Variants in SYCP1 observed in about 807,000 individuals in gnomAD.
The protein encoded by SYCP1 is cancer/testis antigen 8.
Under a neutral mutation model 153.1 loss-of-function variants are expected in SYCP1, and 64 were observed. That is an observed-to-expected ratio of 0.42 (90% CI 0.34 to 0.51). SYCP1 has a LOEUF of 0.51. Ranked by LOEUF, SYCP1 falls within the 20% of genes least tolerant of loss-of-function variation. The pLI is 0.06. For synonymous variants in SYCP1, 384 were observed against 341.8 expected, an observed-to-expected ratio of 1.12 and a Z score of -1.36; for missense variants, 997 against 1,049.0, an observed-to-expected ratio of 0.95 and a Z score of 0.68.
chr1:114,903,619 AG>A (rs1190967370), intron 16 of SYCP1, among the ~76,000 whole-genome samples: 1 of 152,158 alleles, frequency 6.6e-6, no homozygotes, highest in East Asian at 1.9e-4. Flanking sequence ...TTATCCTAAG[AG>A]GGATGGGACA....
chr1:114,875,567 G>A (rs1665468272), intron 9 of SYCP1, among the ~76,000 whole-genome samples: 1 of 152,060 alleles, frequency 6.6e-6, no homozygotes, highest in African/African-American at 2.4e-5. Flanking sequence ...CCGAGACTTT[G>A]TCTTCTATTC....
intron 16 of SYCP1, among the ~76,000 whole-genome samples, chr1:114,909,723 G>A (rs1323053637): frequency 2.0e-5 from 3 of 152,064 alleles, no homozygotes; most frequent in African/African-American, 4.8e-5. Context: ...TATATTTTAA[G>A]CATCTAGTGA....
intron 15 of SYCP1, among the ~76,000 whole-genome samples, chr1:114,890,556 A>G (rs1235999628): frequency 6.6e-6 from 1 of 152,110 alleles, no homozygotes; most frequent in Non-Finnish European, 1.5e-5. Context: ...TAGTTGGAAA[A>G]GGCTTTATGG....
chr1:114,971,079 T>C (rs376239824), intron 27 of SYCP1, among the ~76,000 whole-genome samples: 1 of 152,156 alleles, frequency 6.6e-6, no homozygotes, highest in African/African-American at 2.4e-5. Flanking sequence ...GCAACATCGA[T>C]GGTAGTGTGG....
Position 114,886,040 on chromosome 1 carries a change from G to A in SYCP1, c.1006-85G>A, listed in dbSNP as rs988504277. The A allele has an allele frequency of 5.9e-6, 5 of 847,974 alleles. No homozygotes were observed. The African/African-American group carries it at 7.0e-5, about 12-fold the overall frequency. The allele number at this position is 847,974 out of a possible 1,614,324, so 52.5% of individuals were successfully genotyped here. A position where few individuals can be genotyped will look rare whatever the true frequency, so the allele number is the denominator to read the frequency against. On this transcript the variant is annotated intron_variant, in intron 13 of 31. Coordinates refer to ENST00000369522, the MANE Select transcript of SYCP1 (RefSeq NM_003176.4). ...AAAATATGAGGGTGGGAAAGGGGCA[G>A]TGAATGTATAGAAGCAGATAAGTTC...
intron 12 of SYCP1, among the ~76,000 whole-genome samples, chr1:114,884,327 A>T (rs1474767874): frequency 2.0e-5 from 3 of 152,176 alleles, no homozygotes; most frequent in Admixed American, 6.5e-5. Flanking sequence ...ATGTGCTCTT[A>T]CACTTGCCCG....
chr1:114,935,476 C>CT (rs1401341465), intron 23 of SYCP1, among the ~76,000 whole-genome samples: 1 of 152,090 alleles, frequency 6.6e-6, no homozygotes, highest in Non-Finnish European at 1.5e-5. Flanking sequence ...AATTGACACC[C>CT]TAACATCACA....
chr1:114,988,329 A>G (rs1404397796), intron 30 of SYCP1, among the ~76,000 whole-genome samples: 1 of 152,026 alleles, frequency 6.6e-6, no homozygotes, highest in Non-Finnish European at 1.5e-5. Flanking sequence ...AAATTCACGA[A>G]GCTCAACAAA....
At chr1:114,873,402 G>A (rs1390198479) in intron 8 of SYCP1, among the ~76,000 whole-genome samples, 1 of 152,140 alleles carries the variant, frequency 6.6e-6, no homozygotes, top group East Asian at 1.9e-4. Flanking sequence ...CCTTAGATGG[G>A]ACAAGGTGGT....
chr1:114,966,670 TTTTCTTTTTTCTTTC>T (rs1672149359), intron 27 of SYCP1, among the ~76,000 whole-genome samples: 1 of 151,380 alleles, frequency 6.6e-6, no homozygotes, highest in African/African-American at 2.4e-5. Flanking sequence ...TGAATTCCTG[TTTTCTTTTTTCTTTC>T]TTTCTTTTTT....
intron 30 of SYCP1, among the ~76,000 whole-genome samples, chr1:114,990,136 A>G (rs1009705348): frequency 2.6e-5 from 4 of 151,990 alleles, no homozygotes; most frequent in Non-Finnish European, 4.4e-5. Context: ...GACATTACAC[A>G]AGATATTTTA....
intron 8 of SYCP1, among the ~76,000 whole-genome samples, chr1:114,866,352 A>C (rs1017694850): frequency 6.6e-6 from 1 of 152,166 alleles, no homozygotes; most frequent in Non-Finnish European, 1.5e-5. Context: ...TGGTGTTGTC[A>C]AAGTTCTGGA....
At chr1:114,955,550 A>G (rs188645243) in intron 27 of SYCP1, among the ~76,000 whole-genome samples, 97 of 152,224 alleles carry the variant, frequency 6.4e-4, no homozygotes, top group African/African-American at 2.2e-3. Context: ...TCTGAAAAGG[A>G]CTTTTAAACA....
chr1:114,915,181 T>C lies in SYCP1; in HGVS notation c.1718+1136T>C, dbSNP rs1439804514. ...AATCTCTTACAATGGCTCTTGAGCA[T>C]GGAACTCAGGTAGCAGCATCAATGG... On this transcript the variant is annotated intron_variant, in intron 20 of 31. Coordinates refer to ENST00000369522, the MANE Select transcript of SYCP1 (RefSeq NM_003176.4). Among the ~76,000 whole-genome samples, 16 of 152,276 alleles carry C rather than the reference T, an allele frequency of 1.1e-4. No individual in the cohort carries two copies. In the East Asian group the frequency reaches 2.9e-3, roughly 28 times the overall value.
At chr1:114,921,589 G>T (rs1018421811) in intron 20 of SYCP1, among the ~76,000 whole-genome samples, 9 of 150,962 alleles carry the variant, frequency 6.0e-5, no homozygotes, top group Non-Finnish European at 1.2e-4. Flanking sequence ...TGAGGCAGGA[G>T]AATTGCTTGA....
intron 23 of SYCP1, among the ~76,000 whole-genome samples, chr1:114,932,917 C>G (rs2101767540): frequency 6.6e-6 from 1 of 152,312 alleles, no homozygotes; most frequent in African/African-American, 2.4e-5. Context: ...CTGGGTGGAA[C>G]CCACTACAGC....
chr1:114,965,529 TC>T (rs1672061029), intron 27 of SYCP1, among the ~76,000 whole-genome samples: 1 of 152,170 alleles, frequency 6.6e-6, no homozygotes, highest in Non-Finnish European at 1.5e-5. Context: ...TGAGATATGT[TC>T]CATCAATACC....
intron 16 of SYCP1, among the ~76,000 whole-genome samples, chr1:114,907,717 G>A (rs1194707232): frequency 1.3e-5 from 2 of 151,894 alleles, no homozygotes; most frequent in African/African-American, 4.8e-5. Flanking sequence ...GAGTAGCTGG[G>A]ACTACAGGCG....
At chr1:114,945,644 G>A (rs982592999) in intron 25 of SYCP1, among the ~76,000 whole-genome samples, 4 of 152,046 alleles carry the variant, frequency 2.6e-5, no homozygotes, top group Admixed American at 1.3e-4. Context: ...TGTCCTTATT[G>A]ATAACTCACA....
Sources: gnomAD v4.1 joint callset for allele counts (sites outside exome capture counted in the v4.1 genomes callset) on GRCh38, gnomAD v4.1.1 for gene constraint, MANE v1.5 for transcripts, NCBI Gene and HGNC (gene_info 2026-07-23, HGNC 2026-07-21) for gene names.